Variants in SHROOM3 observed in about 807,000 individuals in gnomAD.
SHROOM3 encodes the protein protein Shroom3.
In SHROOM3, 47 loss-of-function variants were observed where a neutral mutation model predicts 138.6. The ratio of observed to expected loss-of-function variants is 0.34; its 90% CI spans 0.27 to 0.43. The LOEUF is 0.43. SHROOM3 is among the 20% of genes least tolerant of loss of function. The pLI, the probability that SHROOM3 is intolerant of heterozygous loss-of-function variation, is 1.00. For synonymous variants in SHROOM3, 1,062 were observed against 1,063.3 expected (o/e 1.00, Z 0.02); for missense variants, 2,491 against 2,596.5 (o/e 0.96, Z 0.88).
chr4:76,475,701 G>T (rs11722924), intron 1 of SHROOM3, among the ~76,000 whole-genome samples: 1 of 151,892 alleles, frequency 6.6e-6, no homozygotes, highest in South Asian at 2.1e-4. Flanking sequence ...TTGGCTCTTT[G>T]GATTGAAAAC....
chr4:76,644,948 C>T (rs1735780716), intron 2 of SHROOM3, among the ~76,000 whole-genome samples: 1 of 152,152 alleles, frequency 6.6e-6, no homozygotes, highest in African/African-American at 2.4e-5. Flanking sequence ...TTATGTAGCA[C>T]TTATGAGCCA....
At chr4:76,726,883 CT>C (rs1720719735) in intron 3 of SHROOM3, among the ~76,000 whole-genome samples, 1 of 152,152 alleles carries the variant, frequency 6.6e-6, no homozygotes, top group South Asian at 2.1e-4. Context: ...GAATTTATCA[CT>C]TTCTATTTCT....
intron 1 of SHROOM3, among the ~76,000 whole-genome samples, chr4:76,545,732 C>T (rs763998202): frequency 8.5e-5 from 13 of 152,156 alleles, no homozygotes; most frequent in Non-Finnish European, 1.5e-4. Context: ...AGGGACTTTC[C>T]GTGTGTTTGT....
At chr4:76,752,526 A>G (rs1578019336) in intron 6 of SHROOM3, among the ~76,000 whole-genome samples, 1 of 152,138 alleles carries the variant, frequency 6.6e-6, no homozygotes, top group Admixed American at 6.5e-5. Context: ...TGCTCTCAAA[A>G]TCCATTCTTG....
At chr4:76,547,789 A>G (rs1733255580) in intron 1 of SHROOM3, among the ~76,000 whole-genome samples, 1 of 152,004 alleles carries the variant, frequency 6.6e-6, no homozygotes, top group South Asian at 2.1e-4. Context: ...AATTAACTGG[A>G]TGTGGTAGCG....
At chr4:76,592,056 AT>A (rs1734284788) in intron 2 of SHROOM3, among the ~76,000 whole-genome samples, 2 of 152,208 alleles carry the variant, frequency 1.3e-5, no homozygotes, top group Admixed American at 6.5e-5. Context: ...GCGTATTGCA[AT>A]TTTTTAGGGG....
Position 76,740,803 on chromosome 4 carries a change from G to A in SHROOM3, c.2630G>A (p.Gly877Asp). The change falls in exon 5 of 11, where the codon GGC (glycine) becomes GAC (aspartate). Residue 877 changes from glycine (G) to aspartate (D), a missense_variant. This residue lies in a region of SHROOM3 where 1,733 missense variants were observed against 1,661.6 expected (regional missense o/e 1.04). Coordinates refer to ENST00000296043, the MANE Select transcript of SHROOM3 (RefSeq NM_020859.4). The surrounding 1 kb of genome is among the most constrained non-coding windows in gnomAD (Gnocchi z 4.0). ...GGAGGAGCGTCGGACAGCGGCCGTG[G>A]CCCCCAGAGGCCGGACGCTCGGCTC... Reference protein sequence around the residue: ...LSGGASDSGRGPQRPDARLLR... With the variant: ...LSGGASDSGRDPQRPDARLLR... 1 of 1,608,402 alleles carries A rather than the reference G, an allele frequency of 6.2e-7. No individual in the cohort carries two copies. Among genetic ancestry groups the A allele is most frequent in the Middle Eastern group, 1.7e-4 (1 of 5,906 alleles).
Position 76,740,280 on chromosome 4 carries a change from G to C in SHROOM3, c.2107G>C (p.Asp703His). The C allele has an allele frequency of 6.2e-7, 1 of 1,613,180 alleles. No individual in the cohort carries two copies. Among genetic ancestry groups the C allele is most frequent in the Non-Finnish European group, 8.5e-7 (1 of 1,180,034 alleles). ...CTGTGCAGTCAACACCAAGGCAGAA[G>C]ACCCTGGGAGGAAAGCCGCTCCTGA... ...PTCAVNTKAE[D>H]PGRKAAPDLG... The change falls in exon 5 of 11, where the codon GAC becomes CAC. Residue 703 changes from aspartate to histidine, a missense_variant. Asp to His is a moderately conservative substitution (Grantham distance 81). This residue lies in a region of SHROOM3 where 1,733 missense variants were observed against 1,661.6 expected (regional missense o/e 1.04). Coordinates refer to ENST00000296043, the MANE Select transcript of SHROOM3 (RefSeq NM_020859.4). This position sits in a 1 kb window ranked among gnomAD's most constrained non-coding sequence, Gnocchi z 4.0.
At chr4:76,712,333 A>AC (rs1246725593) in intron 3 of SHROOM3, among the ~76,000 whole-genome samples, 3 of 152,336 alleles carry the variant, frequency 2.0e-5, no homozygotes, top group Admixed American at 2.0e-4. Context: ...GGTATGAGGC[A>AC]CTTGGGGATA....
intron 2 of SHROOM3, among the ~76,000 whole-genome samples, chr4:76,595,073 C>T (rs1734351755): frequency 6.6e-6 from 1 of 152,136 alleles, no homozygotes; most frequent in Admixed American, 6.5e-5. Context: ...TAAGTTACCT[C>T]ATATTTCTGA....
intron 8 of SHROOM3, chr4:76,757,167 C>A: frequency 1.8e-6 from 1 of 555,228 alleles, no homozygotes. Context: ...CATTAGTACC[C>A]ATTGTTAACG....
intron 2 of SHROOM3, among the ~76,000 whole-genome samples, chr4:76,660,405 T>G (rs1004706504): frequency 6.6e-6 from 1 of 152,144 alleles, no homozygotes; most frequent in African/African-American, 2.4e-5. Flanking sequence ...TAGCTACCCC[T>G]AGGAGAGAGT....
intron 2 of SHROOM3, among the ~76,000 whole-genome samples, chr4:76,596,832 C>T (rs1180365045): frequency 6.6e-6 from 1 of 152,224 alleles, no homozygotes; most frequent in Non-Finnish European, 1.5e-5. Context: ...TCCCCTACAT[C>T]TACTAGTGTG....
At chr4:76,584,341 C>T (rs1163882457) in intron 2 of SHROOM3, among the ~76,000 whole-genome samples, 1 of 151,696 alleles carries the variant, frequency 6.6e-6, no homozygotes, top group Non-Finnish European at 1.5e-5. Context: ...AAAAGAGTCA[C>T]ATAGATTTCT....
chr4:76,617,875 TG>T (rs1734915940), intron 2 of SHROOM3, among the ~76,000 whole-genome samples: 1 of 152,258 alleles, frequency 6.6e-6, no homozygotes, highest in Non-Finnish European at 1.5e-5. Context: ...ATTTGAAACT[TG>T]TAAACACATA....
At chr4:76,694,263 A>G (rs1719656744) in intron 2 of SHROOM3, among the ~76,000 whole-genome samples, 1 of 152,176 alleles carries the variant, frequency 6.6e-6, no homozygotes, top group African/African-American at 2.4e-5. Flanking sequence ...TTGTACCCTC[A>G]AGGGTTCATA....
In SHROOM3 at chr4:76,710,168, A is replaced by G. The variant is rs1720189352; in HGVS notation, c.336A>G (p.Thr112=). The G allele has an allele frequency of 6.2e-7, 1 of 1,614,030 alleles. No homozygotes were observed. The highest frequency in any genetic ancestry group is 8.5e-7 in the Non-Finnish European group (1 of 1,180,026). ...LRLVVRRDVC[T]DPGHADTGAS... is the part of the protein sequence containing the mutation. ...CTATTGTTGACAGAGATGTGTGCAC[A>G]GACCCAGGCCATGCAGATACTGGTG... The change falls in exon 3 of 11, where the codon ACA becomes ACG. Residue 112 remains threonine, a synonymous_variant. Transcript: ENST00000296043.
chr4:76,441,250 C>T (rs893100902), intron 1 of SHROOM3, among the ~76,000 whole-genome samples: 4 of 151,748 alleles, frequency 2.6e-5, no homozygotes, highest in African/African-American at 7.3e-5. Context: ...GCCTGCCACA[C>T]GCCTGGCTAA....
At chr4:76,488,562 G>A (rs573871305) in intron 1 of SHROOM3, among the ~76,000 whole-genome samples, 1 of 152,298 alleles carries the variant, frequency 6.6e-6, no homozygotes, top group East Asian at 1.9e-4. Flanking sequence ...ATGTGATAAA[G>A]CATTAGCCCC....
Sources: gnomAD v4.1 joint callset for allele counts (sites outside exome capture counted in the v4.1 genomes callset) on GRCh38, gnomAD v4.1.1 for gene constraint, gnomAD v4.1.1 regional missense constraint, Gnocchi (gnomAD v3.1) non-coding constraint, MANE v1.5 for transcripts, NCBI Gene and HGNC (gene_info 2026-07-23, HGNC 2026-07-21) for gene names.